Variants in FRMD3 observed in about 807,000 individuals in gnomAD.
The protein encoded by FRMD3 is FERM domain-containing protein 3.
Under a neutral mutation model 70.2 loss-of-function variants are expected in FRMD3, and 33 were observed. The observed-to-expected ratio is 0.47, with a 90% CI of 0.36 to 0.63. The LOEUF (loss-of-function observed/expected upper bound fraction) is 0.63. Among genes scored for constraint, FRMD3 ranks in the 20% least tolerant of loss-of-function variants. The pLI, the probability that FRMD3 is intolerant of heterozygous loss-of-function variation, is 0.00. For synonymous variants in FRMD3, 279 were observed against 255.9 expected (o/e 1.09, Z -0.86); for missense variants, 632 against 711.4 (o/e 0.89, Z 1.27).
rs60192207 is a variant in FRMD3 at position 83,507,687 on chromosome 9, C to CATATATAT, written c.147+30397_147+30398insATATATAT. On this transcript the variant is annotated intron_variant, in intron 1 of 13. Transcript: ENST00000304195. ...TCCGTCTCAAACAAAAAAAAATATA[C>CATATATAT]ATACATATATATATATATATATATA... Among the ~76,000 whole-genome samples, 58 of 46,922 alleles carry CATATATAT rather than the reference C, an allele frequency of 1.2e-3. 4 individuals carry two copies. Among genetic ancestry groups the CATATATAT allele is most frequent in the Admixed American group, 1.9e-3 (6 of 3,172 alleles). The allele number at this position is 46,922 out of a possible 152,430, so 30.8% of individuals were successfully genotyped here.
At chr9:83,306,423 C>T (rs1012529114) in intron 10 of FRMD3, among the ~76,000 whole-genome samples, 1 of 152,172 alleles carries the variant, frequency 6.6e-6, no homozygotes, top group Non-Finnish European at 1.5e-5. Flanking sequence ...ACCTCATCTA[C>T]CCTCTGCTCC....
intron 2 of FRMD3, 58 bp from the exon 3 acceptor site, chr9:83,373,013 G>A (rs1021455826): frequency 7.9e-6 from 11 of 1,390,226 alleles, no homozygotes; most frequent in Middle Eastern, 1.8e-4. Context: ...ACCATACAAC[G>A]AATACCTAAT....
At chr9:83,479,689 AAAG>A (rs1828501979) in intron 1 of FRMD3, among the ~76,000 whole-genome samples, 2 of 76,740 alleles carry the variant, frequency 2.6e-5, no homozygotes, top group African/African-American at 6.9e-5. Context: ...AGAAAGAAAG[AAAG>A]AAAGAAAGAA....
At chr9:83,387,159 T>C (rs1825535522) in intron 2 of FRMD3, among the ~76,000 whole-genome samples, 1 of 152,190 alleles carries the variant, frequency 6.6e-6, no homozygotes, top group South Asian at 2.1e-4. Context: ...TAATTTTAGC[T>C]CTTGCCTGCA....
chr9:83,578,567 T>A, the FRMD3 span, among the ~76,000 whole-genome samples: 1 of 151,880 alleles, frequency 6.6e-6, no homozygotes, highest in African/African-American at 2.4e-5. Flanking sequence ...AAATGAAGTA[T>A]AAAAATCATC....
In FRMD3 at chr9:83,244,885, A is replaced by ATACTT. The variant is rs145123232; in HGVS notation, c.*3028_*3032dup. On this transcript the variant is annotated 3_prime_UTR_variant, in exon 14 of 14. Transcript: ENST00000304195. ...ATATTTTTCAAGCACAGACAAATAC[A>ATACTT]TACTTTACTTTACCTACATTGTTTT... 112 of 984,760 alleles carry ATACTT rather than the reference A, an allele frequency of 1.1e-4. No individual in the cohort carries two copies. The highest frequency in any genetic ancestry group is 1.3e-4 in the Non-Finnish European group (110 of 829,552). 61.0% of individuals were successfully genotyped at this position (984,760 alleles called of 1,614,324 possible). A position where few individuals can be genotyped will look rare whatever the true frequency, so the allele number is the denominator to read the frequency against.
At chr9:83,367,252 A>G (rs544757219) in intron 3 of FRMD3, among the ~76,000 whole-genome samples, 46 of 152,230 alleles carry the variant, frequency 3.0e-4, no homozygotes, top group Non-Finnish European at 5.9e-4. Flanking sequence ...GCAATGGCAT[A>G]GGGAAATGAG....
chr9:83,577,905 T>A, the FRMD3 span, among the ~76,000 whole-genome samples: 1 of 151,716 alleles, frequency 6.6e-6, no homozygotes, highest in Admixed American at 6.6e-5. Flanking sequence ...GTTGCATTTT[T>A]AAAAGATAAA....
At chr9:83,553,206 G>T in the FRMD3 span, among the ~76,000 whole-genome samples, 1 of 152,106 alleles carries the variant, frequency 6.6e-6, no homozygotes, top group African/African-American at 2.4e-5. Flanking sequence ...TATCTGAAAC[G>T]ATCTTATTTT....
chr9:83,583,381 C>T, the FRMD3 span, among the ~76,000 whole-genome samples: 1 of 152,122 alleles, frequency 6.6e-6, no homozygotes, highest in Non-Finnish European at 1.5e-5. Context: ...GCAATACCAT[C>T]AGCAATTTGT....
intron 3 of FRMD3, chr9:83,350,638 A>T: frequency 2.6e-6 from 1 of 379,298 alleles, no homozygotes; most frequent in Non-Finnish European, 3.6e-6. Context: ...AAAAAAAAAA[A>T]GAAAGAAAGA....
At chr9:83,419,036 T>C (rs1373019418) in intron 1 of FRMD3, among the ~76,000 whole-genome samples, 2 of 151,682 alleles carry the variant, frequency 1.3e-5, no homozygotes, top group African/African-American at 4.8e-5. Flanking sequence ...AACACAGGAG[T>C]AGAAAATCAA....
intron 6 of FRMD3, 118 bp downstream of exon 6, chr9:83,335,398 A>G (rs768517408): frequency 2.7e-6 from 3 of 1,111,076 alleles, no homozygotes; most frequent in Non-Finnish European, 3.8e-6. Context: ...GCTGCCACGC[A>G]AAACAGCCTA....
At chr9:83,513,203 C>T (rs1416424936) in intron 1 of FRMD3, among the ~76,000 whole-genome samples, 1 of 152,220 alleles carries the variant, frequency 6.6e-6, no homozygotes, top group East Asian at 1.9e-4. Context: ...CAAAGCATTT[C>T]TCCAGGTCAT....
chr9:83,323,214 G>C (rs1835870940), intron 6 of FRMD3, among the ~76,000 whole-genome samples: 1 of 152,132 alleles, frequency 6.6e-6, no homozygotes, highest in South Asian at 2.1e-4. Context: ...GTTGCACCAA[G>C]AAATAGATAG....
chr9:83,316,608 T>C (rs1226239237), intron 6 of FRMD3, among the ~76,000 whole-genome samples: 1 of 152,234 alleles, frequency 6.6e-6, no homozygotes. Flanking sequence ...CACTGTGATA[T>C]ATGTATATAG....
At chr9:83,349,608 T>C in intron 4 of FRMD3, 71 bp downstream of exon 4, 2 of 1,119,470 alleles carry the variant, frequency 1.8e-6, no homozygotes, top group Non-Finnish European at 2.6e-6. Context: ...GAGGCCCATC[T>C]AGCCTGCAAG....
At position 83,376,894 on chromosome 9, in the gene FRMD3, C is replaced by T. The variant is rs796921711; in HGVS notation, c.253-3939G>A. On this transcript the variant is annotated intron_variant, in intron 2 of 13. Transcript: ENST00000304195. ...AAATAGGTGTGCAACAAGCAATGAG[C>T]ATGGTAGTGTGTCCAATATGATCCT... is the stretch of plus-strand genomic sequence containing the variant. Among the ~76,000 whole-genome samples, 26 of 152,266 alleles carry T rather than the reference C, an allele frequency of 1.7e-4. 1 individual carries two copies. The highest frequency in any genetic ancestry group is 6.0e-4 in the African/African-American group (25 of 41,550).
chr9:83,257,643 TTCTC>T (rs142721590), intron 13 of FRMD3, among the ~76,000 whole-genome samples: 7,718 of 152,134 alleles, frequency 0.051, 621 homozygotes, highest in East Asian at 0.4. Flanking sequence ...AAAGCCAAAC[TTCTC>T]TCTTTCTCTA....
Sources: allele counts gnomAD v4.1 joint callset (sites outside exome capture counted in the v4.1 genomes callset), GRCh38; gene constraint gnomAD v4.1.1; transcripts MANE v1.5; gene names NCBI Gene and HGNC (gene_info 2026-07-23, HGNC 2026-07-21).